The following DMD variants were observed in gnomAD, a reference collection of about 807,000 sequenced individuals.
DMD encodes mutant dystrophin.
DMD carries 63 observed loss-of-function variants against 330.1 expected under a neutral mutation model. The ratio of observed to expected loss-of-function variants is 0.19; its 90% confidence interval spans 0.16 to 0.24. The LOEUF (loss-of-function observed/expected upper bound fraction) is 0.24. Among genes scored for constraint, DMD ranks in the 10% least tolerant of loss-of-function variants. The pLI is 1.00. For missense variants in DMD, 3,344 were observed against 2,684.1 expected (o/e 1.25, Z -5.43); for synonymous variants, 1,223 against 959.8 (o/e 1.27, Z -5.07).
intron 17 of DMD, among the ~76,000 whole-genome samples, chrX:32,522,047 A>G (rs138690400): frequency 0.013 from 1,478 of 111,848 alleles, 27 homozygotes; most frequent in Admixed American, 0.067. Context: ...TAAACTTCCC[A>G]AACTCCAGAA....
chrX:32,072,658 T>A (rs1240862200), intron 44 of DMD, among the ~76,000 whole-genome samples: 3 of 111,572 alleles, frequency 2.7e-5, no homozygotes, highest in Non-Finnish European at 5.6e-5. Context: ...AAAATTTGGT[T>A]CAGGACAGGT....
At chrX:32,392,978 T>G (rs185197290) in intron 30 of DMD, among the ~76,000 whole-genome samples, 104 of 112,259 alleles carry the variant, frequency 9.3e-4, no homozygotes, top group South Asian at 6.3e-3. Flanking sequence ...CAGACAACAA[T>G]GGACTAAAAT....
At chrX:32,012,221 G>A (rs2095715153) in intron 44 of DMD, among the ~76,000 whole-genome samples, 1 of 112,148 alleles carries the variant, frequency 8.9e-6, no homozygotes, top group Non-Finnish European at 1.9e-5. Flanking sequence ...TGGATGGATA[G>A]AAAGATAGAA....
intron 61 of DMD, among the ~76,000 whole-genome samples, chrX:31,328,376 A>G (rs780674532): frequency 8.9e-6 from 1 of 111,814 alleles, no homozygotes; most frequent in African/African-American, 3.3e-5. Context: ...GCAGGTCAAT[A>G]GTATTTAGTT....
chrX:31,307,609 C>A (rs112766746), intron 62 of DMD, among the ~76,000 whole-genome samples: 18 of 110,568 alleles, frequency 1.6e-4, no homozygotes, highest in Non-Finnish European at 2.8e-4. Context: ...AAAAAAACCC[C>A]AAAAAACTAT....
intron 2 of DMD, among the ~76,000 whole-genome samples, chrX:32,948,356 C>T (rs755253800): frequency 8.9e-6 from 1 of 111,766 alleles, no homozygotes; most frequent in Admixed American, 9.6e-5. Context: ...TGTGAAACTA[C>T]AGAGAATGGA....
At chrX:32,623,622 G>A (rs1468721204) in intron 11 of DMD, among the ~76,000 whole-genome samples, 3 of 107,192 alleles carry the variant, frequency 2.8e-5, no homozygotes, top group African/African-American at 1.0e-4. Context: ...TGACCTCCCA[G>A]GCCCAAATGA....
chrX:31,637,324 T>C (rs1385500397), intron 54 of DMD, among the ~76,000 whole-genome samples: 1 of 111,773 alleles, frequency 8.9e-6, no homozygotes, highest in African/African-American at 3.2e-5. Flanking sequence ...GGGTGAAAAA[T>C]TGCATTTAAA....
intron 52 of DMD, among the ~76,000 whole-genome samples, chrX:31,713,102 G>C (rs890136317): frequency 2.7e-5 from 3 of 111,610 alleles, no homozygotes; most frequent in African/African-American, 9.8e-5. Flanking sequence ...AGAAGAAGAA[G>C]GGGTGCAGAA....
chrX:31,372,476 A>G (rs2059645358), intron 60 of DMD, among the ~76,000 whole-genome samples: 1 of 112,053 alleles, frequency 8.9e-6, no homozygotes, highest in Admixed American at 9.4e-5. Context: ...GCTTGACTGT[A>G]GTGTGCAAAT....
At chrX:33,116,100 G>GA (rs1397681928) in intron 1 of DMD, among the ~76,000 whole-genome samples, 2 of 109,671 alleles carry the variant, frequency 1.8e-5, no homozygotes, top group African/African-American at 3.3e-5. Flanking sequence ...GGCTGAGGCA[G>GA]AAAAATCGCT....
At chrX:32,956,686 G>A (rs921833752) in intron 2 of DMD, among the ~76,000 whole-genome samples, 7 of 110,930 alleles carry the variant, frequency 6.3e-5, no homozygotes, top group South Asian at 3.8e-4. Flanking sequence ...AGTTGGAGGC[G>A]CTTTATTTCT....
chrX:32,946,821 C>A (rs1191587728), intron 2 of DMD, among the ~76,000 whole-genome samples: 4 of 110,982 alleles, frequency 3.6e-5, no homozygotes, highest in Non-Finnish European at 7.5e-5. Flanking sequence ...ATTATAGTCA[C>A]CTGGGGAGCT....
intron 17 of DMD, among the ~76,000 whole-genome samples, chrX:32,521,455 G>A: frequency 9.5e-6 from 1 of 105,639 alleles, no homozygotes; most frequent in Non-Finnish European, 2.0e-5. Context: ...CTATCATTAT[G>A]TACTAGATGT....
chrX:32,242,323 C>A (rs1191369631), intron 43 of DMD, among the ~76,000 whole-genome samples: 2 of 111,613 alleles, frequency 1.8e-5, no homozygotes, highest in African/African-American at 6.5e-5. Context: ...TTACAGAAGA[C>A]AAAGTAATGA....
At chrX:32,247,384 G>A (rs761378208) in intron 43 of DMD, among the ~76,000 whole-genome samples, 3 of 111,792 alleles carry the variant, frequency 2.7e-5, no homozygotes, top group Non-Finnish European at 3.8e-5. Context: ...AGCAATAAAT[G>A]CCAAAAATCG....
intron 11 of DMD, 33 bp from the exon 12 acceptor site, chrX:32,614,486 T>C: frequency 8.9e-7 from 1 of 1,123,749 alleles, no homozygotes; most frequent in Non-Finnish European, 1.2e-6. Flanking sequence ...TTATGACCTC[T>C]TTGAAAGCAA....
intron 56 of DMD, among the ~76,000 whole-genome samples, chrX:31,497,970 T>C (rs761795766): frequency 8.9e-6 from 1 of 112,466 alleles, no homozygotes; most frequent in Non-Finnish European, 1.9e-5. Flanking sequence ...ACATTTCCCT[T>C]AGCCATTTGG....
chrX:32,312,662 A>G (rs2097566941), intron 41 of DMD, among the ~76,000 whole-genome samples: 1 of 109,482 alleles, frequency 9.1e-6, no homozygotes, highest in Non-Finnish European at 1.9e-5. Flanking sequence ...GATTAACAAA[A>G]TAGATAGACC....
Sources: allele counts gnomAD v4.1 joint callset (sites outside exome capture counted in the v4.1 genomes callset), GRCh38; gene constraint gnomAD v4.1.1; transcripts MANE v1.5; gene names NCBI Gene and HGNC (gene_info 2026-07-23, HGNC 2026-07-21).